Variants in BCL11A observed in about 807,000 individuals in gnomAD.
The protein encoded by BCL11A is B cell CLL/lymphoma 11A.
In BCL11A, 2 loss-of-function variants were observed where a neutral mutation model predicts 55.9. The observed-to-expected ratio is 0.04, with a 90% confidence interval of 0.01 to 0.11. The LOEUF (loss-of-function observed/expected upper bound fraction) is 0.11, where lower values mean the gene tolerates loss of function less well. Among genes scored for constraint, BCL11A ranks in the 10% least tolerant of loss-of-function variants. The pLI, the probability that BCL11A is intolerant of heterozygous loss-of-function variation, is 1.00. For synonymous variants in BCL11A, 465 were observed against 473.4 expected (o/e 0.98, Z 0.23); for missense variants, 817 against 1,137.1 (o/e 0.72, Z 4.05).
At position 60,458,033 on chromosome 2, in the gene BCL11A, CT is replaced by C. The variant is rs1223695317; in HGVS notation, c.*2370del. 1.5e-3 allele frequency: 1,413 copies of C among 961,530 alleles called. 1 individual carries two copies. The highest frequency in any genetic ancestry group is 2.4e-3 in the East Asian group (35 of 14,750). The allele number at this position is 961,530 out of a possible 1,614,324, so 59.6% of individuals were successfully genotyped here. A position where few individuals can be genotyped will look rare whatever the true frequency, so the allele number is the denominator to read the frequency against. The stretch of plus-strand genomic sequence containing the variant: ...AAAAAAATATACTGTGGCAGCCTGT[CT>C]TTTTTTTTTCCACTACCAAAAAAGG... On this transcript the variant is annotated 3_prime_UTR_variant, in exon 4 of 4. Transcript: ENST00000642384.
In BCL11A at chr2:60,461,915, G is replaced by C. The variant is rs1482947181; in HGVS notation, c.997C>G (p.Pro333Ala). The C allele has an allele frequency of 1.2e-6, 2 of 1,614,050 alleles. No homozygotes were observed. The highest frequency in any genetic ancestry group is 1.7e-6 in the Non-Finnish European group (2 of 1,180,040). ...AGNTSSPPLS[P>A]GRPSPMQRLL... is the part of the protein sequence containing the mutation. The stretch of plus-strand genomic sequence containing the variant: ...CTTTGCATAGGGCTGGGCCGGCCTG[G>C]GGACAGCGGTGGGCTAGACGTGTTC... The change falls in exon 4 of 4, where the codon CCA becomes GCA. Residue 333 changes from proline to alanine, a missense_variant. By Grantham distance (27) the Pro-to-Ala change is conservative (BLOSUM62 -1). This residue lies in a region of BCL11A where 363 missense variants were observed against 486.6 expected (regional missense o/e 0.75). Transcript: ENST00000642384.
intron 1 of BCL11A, among the ~76,000 whole-genome samples, chr2:60,547,701 T>C (rs757149395): frequency 8.5e-5 from 13 of 152,112 alleles, no homozygotes; most frequent in Admixed American, 2.0e-4. Context: ...GTGTAGAATA[T>C]TGGAACAGAT....
chr2:60,516,741 G>A (rs1471063988), intron 2 of BCL11A, among the ~76,000 whole-genome samples: 3 of 152,240 alleles, frequency 2.0e-5, no homozygotes, highest in African/African-American at 7.2e-5. Flanking sequence ...AGCTGAGCAT[G>A]AGTCATCAAT....
At position 60,457,300 on chromosome 2, in the gene BCL11A, A is replaced by T; in HGVS notation, c.*3104T>A. ...ACACAGACAGTGGTTTTTCCAATAGAACTTAACAAAGACCAGAAACAAATA... is the reference window on the plus strand; with the variant it reads ...ACACAGACAGTGGTTTTTCCAATAGTACTTAACAAAGACCAGAAACAAATA... On this transcript the variant is annotated 3_prime_UTR_variant, in exon 4 of 4. Coordinates refer to ENST00000642384, the MANE Select transcript of BCL11A (RefSeq NM_022893.4). 2.9e-6 allele frequency: 3 copies of T among 1,019,476 alleles called. No individual in the cohort carries two copies. The highest frequency in any genetic ancestry group is 3.5e-6 in the Non-Finnish European group (3 of 849,692). 63.2% of individuals were successfully genotyped at this position (1,019,476 alleles called of 1,614,324 possible). A position where few individuals can be genotyped will look rare whatever the true frequency, so the allele number is the denominator to read the frequency against.
chr2:60,499,247 A>G (rs1679134617), intron 2 of BCL11A, among the ~76,000 whole-genome samples: 1 of 152,116 alleles, frequency 6.6e-6, no homozygotes, highest in Non-Finnish European at 1.5e-5. Flanking sequence ...GCGAGTGGAT[A>G]GCGCCCTTCC....
At position 60,517,216 on chromosome 2, in the gene BCL11A, C is replaced by G. The variant is rs534273827; in HGVS notation, c.385+28755G>C. ...GGCCAATTCTGGAGGGCCATCTGCC[C>G]CTGAGAGGGTACACGTTCCTTCACC... On this transcript the variant is annotated intron_variant, in intron 2 of 3. Transcript: ENST00000642384. Among the ~76,000 whole-genome samples the G allele has an allele frequency of 1.4e-4, 21 of 152,240 alleles. No homozygotes were observed. The East Asian group carries it at 3.9e-3, about 28-fold the overall frequency.
Position 60,461,234 on chromosome 2 carries a change from C to G in BCL11A, c.1678G>C (p.Glu560Gln). 1.2e-6 allele frequency: 2 copies of G among 1,610,514 alleles called. No individual in the cohort carries two copies. Among genetic ancestry groups the G allele is most frequent in the Non-Finnish European group, 1.7e-6 (2 of 1,179,784 alleles). Residue 560 changes from glutamate (E) to glutamine (Q), a missense_variant, in exon 4 of 4, where the codon GAG becomes CAG. Physicochemically the swap from Glu to Gln is conservative, Grantham distance 29 (BLOSUM62 2). Coordinates refer to ENST00000642384, the MANE Select transcript of BCL11A (RefSeq NM_022893.4). ...MVLSSMQHFS[E>Q]AFHQVLGEKH... ...TCGCCCAGGACCTGGTGGAAGGCCT[C>G]GCTGAAGTGCTGCATGGAGCTGAGC...
chr2:60,548,473 T>A (rs1360407117), intron 1 of BCL11A, among the ~76,000 whole-genome samples: 1 of 152,172 alleles, frequency 6.6e-6, no homozygotes, highest in Admixed American at 6.5e-5. Flanking sequence ...GTCTTCTAAA[T>A]GTAGTGACTG....
chr2:60,521,817 G>A (rs963927549), intron 2 of BCL11A, among the ~76,000 whole-genome samples: 3 of 152,108 alleles, frequency 2.0e-5, no homozygotes, highest in Non-Finnish European at 2.9e-5. Flanking sequence ...CCCTCACCAC[G>A]AGGCACAGAG....
At chr2:60,473,336 C>T (rs2104044323) in intron 2 of BCL11A, among the ~76,000 whole-genome samples, 1 of 151,536 alleles carries the variant, frequency 6.6e-6, no homozygotes, top group South Asian at 2.1e-4. Context: ...CTTTCTTTCA[C>T]CCTGGGTCTT....
intron 2 of BCL11A, among the ~76,000 whole-genome samples, chr2:60,481,572 T>C (rs1246126259): frequency 1.3e-5 from 2 of 152,172 alleles, no homozygotes; most frequent in African/African-American, 4.8e-5. Flanking sequence ...CTGTCCACGC[T>C]GGCCCCTGGC....
chr2:60,523,322 A>G (rs530220719), intron 2 of BCL11A, among the ~76,000 whole-genome samples: 7 of 152,350 alleles, frequency 4.6e-5, no homozygotes, highest in East Asian at 1.9e-4. Flanking sequence ...ATTTGCCACT[A>G]TGATCCTCAA....
chr2:60,531,754 G>A (rs554408349), intron 2 of BCL11A, among the ~76,000 whole-genome samples: 1 of 152,152 alleles, frequency 6.6e-6, no homozygotes, highest in Non-Finnish European at 1.5e-5. Flanking sequence ...GGTCCATAAC[G>A]TCTTATTCAG....
chr2:60,508,273 C>T (rs939079667), intron 2 of BCL11A, among the ~76,000 whole-genome samples: 1 of 152,148 alleles, frequency 6.6e-6, no homozygotes, highest in Non-Finnish European at 1.5e-5. Flanking sequence ...AACTCATCCA[C>T]ACTTGGTTCA....
At chr2:60,514,700 G>A (rs543037705) in intron 2 of BCL11A, among the ~76,000 whole-genome samples, 154 of 151,300 alleles carry the variant, frequency 1.0e-3, no homozygotes, top group African/African-American at 3.2e-3. Flanking sequence ...GGGTGGGGGA[G>A]TTTCTTAGGA....
chr2:60,500,327 G>A (rs1679211747), intron 2 of BCL11A, among the ~76,000 whole-genome samples: 1 of 152,172 alleles, frequency 6.6e-6, no homozygotes. Flanking sequence ...TGAGGTTCCC[G>A]GGGCCAGTTC....
intron 3 of BCL11A, among the ~76,000 whole-genome samples, chr2:60,466,340 C>G (rs755943998): frequency 6.6e-6 from 1 of 152,164 alleles, no homozygotes; most frequent in Non-Finnish European, 1.5e-5. Context: ...AAAAGTGGCT[C>G]CGTTTCCACA....
At chr2:60,507,118 C>T (rs1273275574) in intron 2 of BCL11A, among the ~76,000 whole-genome samples, 1 of 151,168 alleles carries the variant, frequency 6.6e-6, no homozygotes, top group Non-Finnish European at 1.5e-5. Context: ...TAAACAAGCA[C>T]TATTAAAAAA....
intron 2 of BCL11A, among the ~76,000 whole-genome samples, chr2:60,473,319 T>G (rs935402025): frequency 6.6e-6 from 1 of 151,886 alleles, no homozygotes; most frequent in Non-Finnish European, 1.5e-5. Context: ...CGTGACACTG[T>G]GACCCCCTTT....
Sources: gnomAD v4.1 joint callset for allele counts (sites outside exome capture counted in the v4.1 genomes callset) on GRCh38, gnomAD v4.1.1 for gene constraint, gnomAD v4.1.1 regional missense constraint, MANE v1.5 for transcripts, NCBI Gene and HGNC (gene_info 2026-07-23, HGNC 2026-07-21) for gene names.